The following HEATR5B variants were observed in gnomAD, a reference collection of about 807,000 sequenced individuals.
HEATR5B encodes HEAT repeat-containing protein 5B.
Under a neutral mutation model 224.1 loss-of-function variants are expected in HEATR5B, and 156 were observed. The ratio of observed to expected loss-of-function variants is 0.70; its 90% CI spans 0.61 to 0.80. HEATR5B has a LOEUF of 0.80. Ranked by LOEUF, HEATR5B falls within the 30% of genes least tolerant of loss-of-function variation. The pLI, the probability that HEATR5B is intolerant of heterozygous loss-of-function variation, is 0.00. For synonymous variants in HEATR5B, 1,027 were observed against 893.0 expected (o/e 1.15, Z -2.68); for missense variants, 2,323 against 2,535.5 (o/e 0.92, Z 1.80).
chr2:37,032,767 A>T lies in HEATR5B; in HGVS notation c.3223T>A (p.Leu1075Ile). 1 of 1,611,890 alleles carries T rather than the reference A, an allele frequency of 6.2e-7. No individual in the cohort carries two copies. The highest frequency in any genetic ancestry group is 8.5e-7 in the Non-Finnish European group (1 of 1,179,392). The change falls in exon 22 of 36, where the codon TTA becomes ATA. Residue 1075 changes from leucine (L) to isoleucine (I), a missense_variant. Leu to Ile is a conservative substitution (Grantham distance 5). Coordinates refer to ENST00000233099, the MANE Select transcript of HEATR5B (RefSeq NM_019024.3). The stretch of plus-strand genomic sequence containing the variant: ...CGAAGTAACAAATGGGAACTACATA[A>T]GTGAACCTGTAAATCATAACAATGT... Reference protein sequence around the residue: ...SSLVPSLCVHLCSSHLLLRRA... With the variant: ...SSLVPSLCVHICSSHLLLRRA...
intron 10 of HEATR5B, among the ~76,000 whole-genome samples, chr2:37,064,291 T>A (rs1052394857): frequency 6.7e-6 from 1 of 150,114 alleles, no homozygotes; most frequent in African/African-American, 2.4e-5. Context: ...TTTTTTTTTT[T>A]TTTTTTTTTG....
intron 20 of HEATR5B, among the ~76,000 whole-genome samples, chr2:37,038,264 G>C (rs1669638162): frequency 1.3e-5 from 2 of 151,856 alleles, no homozygotes; most frequent in African/African-American, 4.8e-5. Flanking sequence ...CTCAGCCTCT[G>C]GAGTAGCTGG....
At chr2:36,999,840 C>T (rs1558709177) in intron 33 of HEATR5B, among the ~76,000 whole-genome samples, 1 of 151,798 alleles carries the variant, frequency 6.6e-6, no homozygotes, top group South Asian at 2.1e-4. Flanking sequence ...GGTGAAACCA[C>T]GTCTTTATTA....
intron 17 of HEATR5B, among the ~76,000 whole-genome samples, chr2:37,051,201 C>A (rs963578693): frequency 1.3e-5 from 2 of 151,580 alleles, no homozygotes; most frequent in Non-Finnish European, 2.9e-5. Flanking sequence ...GCTAAAAATA[C>A]AAAAATTAGC....
chr2:37,000,550 C>G lies in HEATR5B; in HGVS notation c.5545+36G>C, dbSNP rs371959213. On this transcript the variant is annotated intron_variant, in intron 33 of 35. Transcript: ENST00000233099. ...AATTCATTACTTAGGGAACACATAT[C>G]CTAACTAACTAAAACGTTTAAAACT... 3 of 1,540,968 alleles carry G rather than the reference C, an allele frequency of 1.9e-6. No homozygotes were observed. The African/African-American group carries it at 4.1e-5, about 21-fold the overall frequency.
intron 33 of HEATR5B, among the ~76,000 whole-genome samples, chr2:36,996,429 T>G (rs1327450992): frequency 7.0e-6 from 1 of 142,504 alleles, no homozygotes; most frequent in African/African-American, 2.5e-5. Flanking sequence ...CTTTTCTTTC[T>G]TTTTTTTTTT....
At chr2:37,036,884 T>C (rs4569455) in intron 21 of HEATR5B, among the ~76,000 whole-genome samples, 1 of 151,954 alleles carries the variant, frequency 6.6e-6, no homozygotes, top group Non-Finnish European at 1.5e-5. Flanking sequence ...AACGCTCTCT[T>C]CCAGGCTTTT....
chr2:37,008,607 T>C lies in HEATR5B; in HGVS notation c.4522+4A>G. 6.3e-7 allele frequency: 1 copy of C among 1,592,580 alleles called. No homozygotes were observed. Among genetic ancestry groups the C allele is most frequent in the Non-Finnish European group, 8.6e-7 (1 of 1,160,442 alleles). On this transcript the variant is annotated splice_donor_region_variant and intron_variant, in intron 28 of 35. Transcript: ENST00000233099. ...AAAAGTAAAACTCAGAATGTAATAC[T>C]CACCATCTGGAGGAAGCTGACTAGA...
At chr2:37,083,544 G>A (rs968526301) in intron 1 of HEATR5B, 108 bp from the exon 2 acceptor site, 6 of 794,208 alleles carry the variant, frequency 7.6e-6, no homozygotes, top group African/African-American at 5.3e-5. Context: ...TTTCATTTGG[G>A]GAAAAACTCA....
intron 16 of HEATR5B, among the ~76,000 whole-genome samples, chr2:37,054,061 T>G (rs1324511760): frequency 6.6e-6 from 1 of 151,636 alleles, no homozygotes. Context: ...TTTGGGAAAG[T>G]TCAAAAAAGA....
intron 27 of HEATR5B, 141 bp downstream of exon 27, chr2:37,013,700 A>T (rs1174049176): frequency 5.3e-6 from 3 of 568,138 alleles, no homozygotes; most frequent in African/African-American, 3.8e-5. Context: ...CAGTACACTG[A>T]TTAACAAATT....
intron 2 of HEATR5B, among the ~76,000 whole-genome samples, chr2:37,082,935 AAG>A (rs1672700392): frequency 6.6e-6 from 1 of 152,158 alleles, no homozygotes; most frequent in African/African-American, 2.4e-5. Flanking sequence ...AAAAAAAAAA[AAG>A]AGCCTATTAT....
In HEATR5B at chr2:37,048,788, T is replaced by G. The variant is rs185781123; in HGVS notation, c.2696+865A>C. Among the ~76,000 whole-genome samples, 139 of 152,332 alleles carry G rather than the reference T, an allele frequency of 9.1e-4. 1 individual carries two copies. The highest frequency in any genetic ancestry group is 1.8e-3 in the Non-Finnish European group (121 of 68,022). On this transcript the variant is annotated intron_variant, in intron 18 of 35. Coordinates refer to ENST00000233099, the MANE Select transcript of HEATR5B (RefSeq NM_019024.3). ...CCTGCTCATACTATCCTTAGTGCAT[T>G]AGGGCATTACCAAATAACGAATCAA...
intron 33 of HEATR5B, among the ~76,000 whole-genome samples, chr2:36,996,323 T>C (rs1200416148): frequency 1.3e-5 from 2 of 151,996 alleles, no homozygotes; most frequent in Non-Finnish European, 2.9e-5. Context: ...CCTCTCAAAG[T>C]GTTGGGATTA....
chr2:37,064,721 T>C lies in HEATR5B; in HGVS notation c.1584+19A>G, dbSNP rs1671484294. 6.2e-7 allele frequency: 1 copy of C among 1,612,288 alleles called. No individual in the cohort carries two copies. Among genetic ancestry groups the C allele is most frequent in the Non-Finnish European group, 8.5e-7 (1 of 1,178,830 alleles). On this transcript the variant is annotated intron_variant, in intron 10 of 35. Coordinates refer to ENST00000233099, the MANE Select transcript of HEATR5B (RefSeq NM_019024.3). ...AAGCCCACGTGACAGCATTCCCAAG[T>C]CTAGGATCTCCGTCATACCTTTCCT... is the stretch of plus-strand genomic sequence containing the variant.
At chr2:37,083,259 T>C (rs1248577047) in intron 2 of HEATR5B, 30 bp downstream of exon 2, 2 of 1,612,624 alleles carry the variant, frequency 1.2e-6, no homozygotes, top group East Asian at 2.2e-5. Context: ...TTCACGTTAA[T>C]GCAACTGGGA....
At chr2:36,994,379 T>C (rs779407820) in intron 33 of HEATR5B, among the ~76,000 whole-genome samples, 4 of 152,254 alleles carry the variant, frequency 2.6e-5, no homozygotes, top group Non-Finnish European at 5.9e-5. Context: ...CGTTTGTACA[T>C]GTTCACATGC....
intron 35 of HEATR5B, among the ~76,000 whole-genome samples, chr2:36,986,701 T>C (rs763687391): frequency 2.0e-5 from 3 of 152,100 alleles, no homozygotes; most frequent in Non-Finnish European, 4.4e-5. Context: ...CACTGCAACC[T>C]CCGCCTCCCG....
At chr2:37,069,799 AG>A (rs1671796862) in intron 7 of HEATR5B, among the ~76,000 whole-genome samples, 1 of 152,192 alleles carries the variant, frequency 6.6e-6, no homozygotes, top group Admixed American at 6.5e-5. Flanking sequence ...ATTCGGTAAA[AG>A]AAACATTTCG....
Sources: gnomAD v4.1 joint callset for allele counts (sites outside exome capture counted in the v4.1 genomes callset) on GRCh38, gnomAD v4.1.1 for gene constraint, MANE v1.5 for transcripts, NCBI Gene and HGNC (gene_info 2026-07-23, HGNC 2026-07-21) for gene names.